The following PARD3 variants were observed in gnomAD, a reference collection of about 807,000 sequenced individuals.
The protein encoded by PARD3 is par-3 family cell polarity regulator.
Under a neutral mutation model 155.4 loss-of-function variants are expected in PARD3, and 75 were observed. The observed-to-expected ratio is 0.48, with a 90% confidence interval of 0.40 to 0.58. The LOEUF is 0.58. PARD3 is among the 20% of genes least tolerant of loss of function. The pLI is 0.00. For synonymous variants in PARD3, 576 were observed against 610.5 expected, an observed-to-expected ratio of 0.94 and a Z score of 0.83; for missense variants, 1,642 against 1,721.7, an observed-to-expected ratio of 0.95 and a Z score of 0.82.
At chr10:34,554,742 A>G (rs1438654545) in intron 2 of PARD3, among the ~76,000 whole-genome samples, 14 of 152,218 alleles carry the variant, frequency 9.2e-5, no homozygotes, top group Non-Finnish European at 1.3e-4. Flanking sequence ...TTAAAAAATT[A>G]TCAAGCTTTA....
chr10:34,637,743 C>T (rs200822680), intron 2 of PARD3, among the ~76,000 whole-genome samples: 2 of 152,176 alleles, frequency 1.3e-5, no homozygotes, highest in East Asian at 3.9e-4. Flanking sequence ...ATCAGGCCGG[C>T]AGTTTGGAAA....
chr10:34,136,242 G>A (rs1279101684), intron 22 of PARD3, among the ~76,000 whole-genome samples: 1 of 152,112 alleles, frequency 6.6e-6, no homozygotes, highest in Admixed American at 6.5e-5. Context: ...AGATAGTCTT[G>A]TTTCTCCTAA....
chr10:34,611,923 C>A (rs1377127656), intron 2 of PARD3, among the ~76,000 whole-genome samples: 2 of 119,356 alleles, frequency 1.7e-5, no homozygotes, highest in African/African-American at 2.9e-5. Flanking sequence ...CATTCCCCTG[C>A]CTCAGCGCCC....
At chr10:34,137,066 C>G (rs933684924) in intron 22 of PARD3, among the ~76,000 whole-genome samples, 8 of 152,136 alleles carry the variant, frequency 5.3e-5, no homozygotes, top group Admixed American at 5.2e-4. Flanking sequence ...CACTCCTCTA[C>G]CCTTGAATGT....
chr10:34,433,139 C>T (rs1274741878), intron 5 of PARD3, among the ~76,000 whole-genome samples: 2 of 152,140 alleles, frequency 1.3e-5, no homozygotes, highest in Non-Finnish European at 2.9e-5. Context: ...GGAACTAAGA[C>T]ACAGGATTCT....
chr10:34,292,809 T>A (rs144800566), intron 20 of PARD3, among the ~76,000 whole-genome samples: 1 of 152,020 alleles, frequency 6.6e-6, no homozygotes, highest in East Asian at 1.9e-4. Flanking sequence ...GAATAACATA[T>A]CCCTTTCAGG....
intron 22 of PARD3, among the ~76,000 whole-genome samples, chr10:34,174,088 C>T (rs1949925192): frequency 6.6e-6 from 1 of 152,140 alleles, no homozygotes; most frequent in Non-Finnish European, 1.5e-5. Flanking sequence ...GACCGTTAAA[C>T]CTCTGTGTCA....
intron 15 of PARD3, among the ~76,000 whole-genome samples, chr10:34,347,113 G>A (rs1837511761): frequency 6.6e-6 from 1 of 152,204 alleles, no homozygotes; most frequent in Non-Finnish European, 1.5e-5. Flanking sequence ...ACTCAAAATG[G>A]AGTTAAATTT....
intron 20 of PARD3, among the ~76,000 whole-genome samples, chr10:34,296,624 G>A (rs1375714998): frequency 6.6e-6 from 1 of 152,130 alleles, no homozygotes; most frequent in African/African-American, 2.4e-5. Flanking sequence ...GTGGATGTGG[G>A]AAATGTAATT....
intron 15 of PARD3, chr10:34,346,376 G>T: frequency 7.6e-7 from 1 of 1,320,758 alleles, no homozygotes; most frequent in East Asian, 4.9e-5. Flanking sequence ...GAAGCATCAG[G>T]GATTGGAGGC....
At chr10:34,407,473 T>G (rs985600175) in intron 5 of PARD3, among the ~76,000 whole-genome samples, 3 of 152,224 alleles carry the variant, frequency 2.0e-5, no homozygotes, top group Admixed American at 2.0e-4. Context: ...AAAAGCCTCA[T>G]GCCCCAGAGA....
At position 34,348,036 on chromosome 10, in the gene PARD3, T is replaced by G; in HGVS notation, c.2147A>C (p.His716Pro). The change falls in exon 15 of 25, where the codon CAT becomes CCT. Residue 716 changes from histidine to proline, a missense_variant. Coordinates refer to ENST00000374788, the MANE Select transcript of PARD3 (RefSeq NM_001184785.2). ...CCCCTCAATCCCACTGTAGAGGGAA[T>G]GGGAAATTCTTCGTTCTCTATCATC... is the stretch of plus-strand genomic sequence containing the variant. ...ALDDRERRIS[H>P]SLYSGIEGLD... The G allele has an allele frequency of 6.2e-7, 1 of 1,613,622 alleles. No individual in the cohort carries two copies. The highest frequency in any genetic ancestry group is 8.5e-7 in the Non-Finnish European group (1 of 1,179,790).
intron 2 of PARD3, among the ~76,000 whole-genome samples, chr10:34,631,975 T>A (rs1486757190): frequency 6.6e-6 from 1 of 152,202 alleles, no homozygotes; most frequent in Non-Finnish European, 1.5e-5. Context: ...CTCGTATTGA[T>A]GTTTAATTAG....
chr10:34,116,935 G>A (rs1027249021), intron 24 of PARD3, among the ~76,000 whole-genome samples: 1 of 152,184 alleles, frequency 6.6e-6, no homozygotes, highest in Non-Finnish European at 1.5e-5. Context: ...GAGATGTCGG[G>A]GCTCAGAGTA....
At chr10:34,151,525 G>T (rs1271656993) in intron 22 of PARD3, among the ~76,000 whole-genome samples, 1 of 152,066 alleles carries the variant, frequency 6.6e-6, no homozygotes, top group Non-Finnish European at 1.5e-5. Flanking sequence ...TCAGTTTGAG[G>T]TATACATTTT....
chr10:34,306,666 T>C (rs1040039349), intron 20 of PARD3, among the ~76,000 whole-genome samples: 1 of 152,064 alleles, frequency 6.6e-6, no homozygotes, highest in Non-Finnish European at 1.5e-5. Context: ...ATAATAACAA[T>C]AATTCAAATA....
At chr10:34,814,007 T>G (rs1844557584) in intron 1 of PARD3, among the ~76,000 whole-genome samples, 1 of 152,208 alleles carries the variant, frequency 6.6e-6, no homozygotes, top group Non-Finnish European at 1.5e-5. Context: ...GGAGACAATG[T>G]TATCAGTCCA....
chr10:34,508,755 G>A (rs2081232640), intron 3 of PARD3, among the ~76,000 whole-genome samples: 2 of 152,138 alleles, frequency 1.3e-5, no homozygotes, highest in Admixed American at 6.6e-5. Context: ...GGCCAGTAGT[G>A]TCCCATTCCA....
At chr10:34,240,385 G>T (rs1158050458) in intron 22 of PARD3, among the ~76,000 whole-genome samples, 1 of 152,136 alleles carries the variant, frequency 6.6e-6, no homozygotes, top group Admixed American at 6.6e-5. Context: ...ATTGTTTTGG[G>T]GGCTGGATGA....
Sources: allele counts gnomAD v4.1 joint callset (sites outside exome capture counted in the v4.1 genomes callset), GRCh38; gene constraint gnomAD v4.1.1; transcripts MANE v1.5; gene names NCBI Gene and HGNC (gene_info 2026-07-23, HGNC 2026-07-21).